MICALL2: variants seen among roughly 807,000 people sequenced by gnomAD.
MICALL2 encodes the protein MICAL like 2.
A neutral mutation model predicts 91.1 loss-of-function variants in MICALL2; 111 were observed. The ratio of observed to expected loss-of-function variants is 1.22; its 90% confidence interval spans 1.04 to 1.43. MICALL2 has a LOEUF of 1.43. Ranked by LOEUF, MICALL2 falls within the 40% of genes most tolerant of loss-of-function variation. The probability of loss-of-function intolerance (pLI) is 0.00; values close to 1 mark genes in which losing one functional copy is unlikely to be tolerated. For missense variants in MICALL2, 1,556 were observed against 1,236.0 expected (o/e 1.26, Z -3.88); for synonymous variants, 694 against 525.3 (o/e 1.32, Z -4.39).
intron 15 of MICALL2, among the ~76,000 whole-genome samples, chr7:1,436,314 G>A (rs574699395): frequency 7.3e-5 from 11 of 151,532 alleles, no homozygotes; most frequent in African/African-American, 2.2e-4. Flanking sequence ...CTCGGCAGAC[G>A]GAGGTTGCAG....
At chr7:1,443,091 C>G (rs1330863845) in intron 6 of MICALL2, among the ~76,000 whole-genome samples, 1 of 136,842 alleles carries the variant, frequency 7.3e-6, no homozygotes, top group East Asian at 2.6e-4. Context: ...TCCCCACCCC[C>G]CTCGACAACC....
chr7:1,438,623 C>T (rs1217552304), intron 10 of MICALL2: 17 of 1,420,730 alleles, frequency 1.2e-5, no homozygotes, highest in South Asian at 1.6e-5. Context: ...GCAGACATTC[C>T]ATCATCACCA....
At position 1,439,249 on chromosome 7, in the gene MICALL2, A is replaced by G. The variant is rs962198619; in HGVS notation, c.1967-254T>C. Reference sequence around the variant, plus strand: ...ACAGGAAGTGGCACGAGAGCTGGATATGGATCCAGGGCAGCTATGAGTGCT... The same window carrying G: ...ACAGGAAGTGGCACGAGAGCTGGATGTGGATCCAGGGCAGCTATGAGTGCT... On this transcript the variant is annotated intron_variant, in intron 9 of 16. Transcript: ENST00000297508. 5 of 509,912 alleles carry G rather than the reference A, an allele frequency of 9.8e-6. No homozygotes were observed. The South Asian group carries it at 1.3e-4, about 14-fold the overall frequency. The allele number at this position is 509,912 out of a possible 1,614,324, so 31.6% of individuals were successfully genotyped here.
At chr7:1,458,161 A>G (rs1781085680) in intron 1 of MICALL2, among the ~76,000 whole-genome samples, 1 of 152,256 alleles carries the variant, frequency 6.6e-6, no homozygotes, top group Admixed American at 6.5e-5. Context: ...GACTGGCAGG[A>G]CAGTGTCCAG....
At position 1,445,445 on chromosome 7, in the gene MICALL2, A is replaced by C; in HGVS notation, c.642-17T>G. 1 of 1,503,152 alleles carries C rather than the reference A, an allele frequency of 6.7e-7. No individual in the cohort carries two copies. The highest frequency in any genetic ancestry group is 8.9e-7 in the Non-Finnish European group (1 of 1,129,208). 93.1% of individuals were successfully genotyped at this position (1,503,152 alleles called of 1,614,324 possible). On this transcript the variant is annotated splice_polypyrimidine_tract_variant and intron_variant, in intron 5 of 16. Transcript: ENST00000297508. ...TGCTTACACCTGGGGGAGGAAAGGC[A>C]CAGGAGCCCCAGCTCGGCACCGCCC...
Position 1,437,903 on chromosome 7 carries a change from C to A in MICALL2, c.2389G>T (p.Glu797Ter). Residue 797 changes from glutamate (E) to a stop codon, truncating the protein, a stop_gained, in exon 13 of 17, where the codon GAG (glutamate) becomes TAG (stop). Transcript: ENST00000297508. LOFTEE classifies it high-confidence loss of function. ...EKQLLLRQES[E>*]LMYKSKAQRL... is the part of the protein sequence containing the mutation. ...CTGGGCTCTCACTTGTACATCAGCT[C>A]TGACTCCTGTCTCAGCAGAAGCTGC... 5.8e-6 allele frequency: 9 copies of A among 1,549,140 alleles called. No homozygotes were observed. The highest frequency in any genetic ancestry group is 6.1e-6 in the Non-Finnish European group (7 of 1,146,828).
rs937323813 is a variant in MICALL2, at chr7:1,452,895, C to CT, written c.144-2608dup. Among the ~76,000 whole-genome samples, 1 of 152,110 alleles carries CT rather than the reference C, an allele frequency of 6.6e-6. No individual in the cohort carries two copies. The highest frequency in any genetic ancestry group is 2.4e-5 in the African/African-American group (1 of 41,422). On this transcript the variant is annotated intron_variant, in intron 1 of 16. Transcript: ENST00000297508. The surrounding 1 kb of genome is among the most constrained non-coding windows in gnomAD (Gnocchi z 6.2). Reference sequence around the variant, plus strand: ...CCACCACCCATCCTGCCCCAAGCTCCTTCCCCAGGGCCGGCCCTCCAGCCT... The same window carrying CT: ...CCACCACCCATCCTGCCCCAAGCTCCTTTCCCCAGGGCCGGCCCTCCAGCCT...
rs1464822881 is a variant in MICALL2, at chr7:1,459,336, G to C, written c.-10C>G. ...CCCTGATGGCCGCCATGTGGGCGGCGCGCCCGCCGCGCGGCGGAACCGCCC... is the reference window on the plus strand; with the variant it reads ...CCCTGATGGCCGCCATGTGGGCGGCCCGCCCGCCGCGCGGCGGAACCGCCC... On this transcript the variant is annotated 5_prime_UTR_variant, in exon 1 of 17. Transcript: ENST00000297508. 2.0e-6 allele frequency: 3 copies of C among 1,510,756 alleles called. No homozygotes were observed. Among genetic ancestry groups the C allele is most frequent in the Non-Finnish European group, 1.8e-6 (2 of 1,131,938 alleles). The allele number at this position is 1,510,756 out of a possible 1,614,324, so 93.6% of individuals were successfully genotyped here.
intron 8 of MICALL2, chr7:1,440,311 C>A (rs1780217758): frequency 1.9e-5 from 12 of 632,800 alleles, no homozygotes; most frequent in South Asian, 6.0e-5. Flanking sequence ...GAGCTCCGGG[C>A]CCCACGGGAC....
At chr7:1,449,661 G>GT (rs1780748385) in intron 2 of MICALL2, among the ~76,000 whole-genome samples, 1 of 152,282 alleles carries the variant, frequency 6.6e-6, no homozygotes, top group African/African-American at 2.4e-5. Flanking sequence ...GGGCAGGGAC[G>GT]TGGCCGGGGC....
chr7:1,439,022 AC>A (rs1376011619), intron 9 of MICALL2, 27 bp from the exon 10 acceptor site: 1 of 1,560,938 alleles, frequency 6.4e-7, no homozygotes, highest in African/African-American at 1.3e-5. Context: ...AGACAGAGCC[AC>A]GCTTCAGAGC....
Position 1,437,015 on chromosome 7 carries a change from G to A in MICALL2, c.2477-159C>T, listed in dbSNP as rs763156853. On this transcript the variant is annotated intron_variant, in intron 14 of 16. Coordinates refer to ENST00000297508, the MANE Select transcript of MICALL2 (RefSeq NM_182924.4). ...AGAATGAATGAGTGAATAAGTGAAT[G>A]AAGGAAGGAACGGCCACGTCAGAGC... 1.8e-4 allele frequency: 98 copies of A among 538,118 alleles called. 1 individual carries two copies. The highest frequency in any genetic ancestry group is 3.0e-4 in the Non-Finnish European group (93 of 312,726). 33.3% of individuals were successfully genotyped at this position (538,118 alleles called of 1,614,324 possible).
In MICALL2 at chr7:1,445,208, C is replaced by T. The variant is rs749554665; in HGVS notation, c.862G>A (p.Glu288Lys). 1.9e-6 allele frequency: 3 copies of T among 1,602,688 alleles called. No homozygotes were observed. The South Asian group carries it at 3.4e-5, about 18-fold the overall frequency. ...EANKARPSAW[E>K]PAAGNSPARA... ...GCAGGCGAGTTGCCCGCAGCAGGCT[C>T]CCAGGCCGACGGTCTGGCCTTGTTT... The change falls in exon 6 of 17, where the codon GAG (glutamate) becomes AAG (lysine). Residue 288 changes from glutamate to lysine, a missense_variant. Glu to Lys is a moderately conservative substitution (Grantham distance 56). Coordinates refer to ENST00000297508, the MANE Select transcript of MICALL2 (RefSeq NM_182924.4).
intron 1 of MICALL2, among the ~76,000 whole-genome samples, chr7:1,456,302 C>G (rs1478735404): frequency 6.6e-6 from 1 of 152,136 alleles, no homozygotes; most frequent in African/African-American, 2.4e-5. Context: ...CAGACACAGG[C>G]CAGACGCAGT....
intron 4 of MICALL2, among the ~76,000 whole-genome samples, chr7:1,447,106 G>C (rs948494954): frequency 1.3e-5 from 2 of 152,136 alleles, no homozygotes; most frequent in Non-Finnish European, 2.9e-5. Context: ...TGCCCCATTA[G>C]GGGCATGGAT....
intron 15 of MICALL2, 72 bp downstream of exon 15, chr7:1,436,670 A>T (rs970912750): frequency 8.6e-7 from 1 of 1,168,214 alleles, no homozygotes; most frequent in African/African-American, 1.5e-5. Flanking sequence ...GGGCTGGCTG[A>T]CCCTGAGGGC....
At chr7:1,458,447 C>T (rs1781096489) in intron 1 of MICALL2, among the ~76,000 whole-genome samples, 1 of 152,264 alleles carries the variant, frequency 6.6e-6, no homozygotes, top group South Asian at 2.1e-4. Context: ...GATCTCTGTC[C>T]CAGCAAGCCT....
chr7:1,448,821 C>G (rs1780708852), intron 2 of MICALL2, 60 bp from the exon 3 acceptor site: 1 of 1,588,734 alleles, frequency 6.3e-7, no homozygotes, highest in Admixed American at 1.7e-5. Flanking sequence ...CTCCACCAGG[C>G]CGCAGCTCAC....
chr7:1,438,717 C>T (rs1780109474), intron 10 of MICALL2, 123 bp downstream of exon 10: 7 of 1,491,040 alleles, frequency 4.7e-6, no homozygotes, highest in African/African-American at 2.8e-5. Context: ...GTCCTTCCTC[C>T]AGGCTTTCCC....
Sources: allele counts gnomAD v4.1 joint callset (sites outside exome capture counted in the v4.1 genomes callset), GRCh38; gene constraint gnomAD v4.1.1; non-coding constraint Gnocchi (gnomAD v3.1); transcripts MANE v1.5; gene names NCBI Gene and HGNC (gene_info 2026-07-23, HGNC 2026-07-21).